Variants in SEPTIN9 observed in about 807,000 individuals in gnomAD.
SEPTIN9 encodes septin 9, also known as septin-9.
A neutral mutation model predicts 56.6 loss-of-function variants in SEPTIN9; 13 were observed. That is an observed-to-expected ratio of 0.23 (90% CI 0.15 to 0.37). The LOEUF is 0.37. SEPTIN9 is among the 10% of genes least tolerant of loss of function. The pLI is 1.00. For synonymous variants in SEPTIN9, 332 were observed against 334.1 expected (o/e 0.99, Z 0.07); for missense variants, 650 against 823.1 (o/e 0.79, Z 2.57).
intron 2 of SEPTIN9, among the ~76,000 whole-genome samples, chr17:77,331,202 AAATAAT>A (rs916003338): frequency 6.6e-5 from 10 of 152,136 alleles, no homozygotes; most frequent in Non-Finnish European, 1.2e-4. Flanking sequence ...AAAAAATAAA[AAATAAT>A]AATAATAATA....
chr17:77,482,513 C>G (rs1367210323), intron 4 of SEPTIN9, 178 bp downstream of exon 4: 1 of 738,674 alleles, frequency 1.4e-6, no homozygotes, highest in Admixed American at 2.0e-5. Context: ...GAGGAGCCCA[C>G]AGCCTCCAGC....
chr17:77,428,961 TG>T, intron 3 of SEPTIN9: 2 of 458,170 alleles, frequency 4.4e-6, no homozygotes, highest in Non-Finnish European at 9.2e-6. Context: ...GTCACAGCCC[TG>T]GTTATACAGT....
intron 3 of SEPTIN9, among the ~76,000 whole-genome samples, chr17:77,407,674 G>A (rs977499150): frequency 2.6e-5 from 4 of 152,176 alleles, no homozygotes; most frequent in African/African-American, 7.2e-5. Flanking sequence ...CTGCTCCTCC[G>A]CCCCAGGGCC....
intron 3 of SEPTIN9, among the ~76,000 whole-genome samples, chr17:77,481,624 T>C (rs1041361361): frequency 6.6e-6 from 1 of 152,198 alleles, no homozygotes; most frequent in African/African-American, 2.4e-5. Flanking sequence ...TACAAGACCA[T>C]CCCTCCTGTG....
In SEPTIN9 at chr17:77,473,902, A is replaced by G. The variant is rs9896107; in HGVS notation, c.722-8242A>G. On this transcript the variant is annotated intron_variant, in intron 3 of 11. Transcript: ENST00000427177. Reference sequence around the variant, plus strand: ...TAGGACCCCAGGATCATCGTCTACCATTATTGTCTATAGTTTCTTTACCAT... The same window carrying G: ...TAGGACCCCAGGATCATCGTCTACCGTTATTGTCTATAGTTTCTTTACCAT... 5.9e-3 allele frequency among the ~76,000 whole-genome samples: 891 copies of G among 152,202 alleles called. 9 individuals are homozygous for G. The highest frequency in any genetic ancestry group is 0.019 in the African/African-American group (781 of 41,518).
At chr17:77,491,558 A>G (rs1423968376) in intron 8 of SEPTIN9, among the ~76,000 whole-genome samples, 1 of 151,010 alleles carries the variant, frequency 6.6e-6, no homozygotes, top group African/African-American at 2.4e-5. Flanking sequence ...CACGCCTGTA[A>G]TCCCAGCACT....
At chr17:77,362,748 CCACACTAA>C (rs2143858670) in intron 2 of SEPTIN9, among the ~76,000 whole-genome samples, 1 of 152,308 alleles carries the variant, frequency 6.6e-6, no homozygotes, top group Admixed American at 6.5e-5. Context: ...CTCCTGGATG[CCACACTAA>C]CTCAGTAAGG....
intron 2 of SEPTIN9, among the ~76,000 whole-genome samples, chr17:77,331,540 G>T (rs905684003): frequency 1.7e-4 from 26 of 152,240 alleles, no homozygotes; most frequent in Non-Finnish European, 3.7e-4. Flanking sequence ...GCGGGTGGCA[G>T]CGAGGAAGGG....
intron 1 of SEPTIN9, 180 bp downstream of exon 1, chr17:77,281,734 C>A: frequency 1.8e-6 from 1 of 561,890 alleles, no homozygotes; most frequent in South Asian, 2.3e-5. Flanking sequence ...TCGACCTGAG[C>A]CGACCGTCCC....
At chr17:77,340,564 T>A (rs1243223031) in intron 2 of SEPTIN9, among the ~76,000 whole-genome samples, 1 of 152,196 alleles carries the variant, frequency 6.6e-6, no homozygotes. Flanking sequence ...GGCCCTAGGA[T>A]TTTTGGAACG....
Position 77,402,718 on chromosome 17 carries a change from G to T in SEPTIN9, c.721+15G>T, listed in dbSNP as rs372075148. 3.9e-6 allele frequency: 6 copies of T among 1,555,976 alleles called. No individual in the cohort carries two copies. Among genetic ancestry groups the T allele is most frequent in the Non-Finnish European group, 4.3e-6 (5 of 1,154,618 alleles). ...GAGCCAGGAGGGTGAGTCGCAGAGCGCTAGGTCTTGGATGCTGTGGTAATG... is the reference window on the plus strand; with the variant it reads ...GAGCCAGGAGGGTGAGTCGCAGAGCTCTAGGTCTTGGATGCTGTGGTAATG... On this transcript the variant is annotated intron_variant, in intron 3 of 11. Transcript: ENST00000427177. The surrounding 1 kb of genome is among the most constrained non-coding windows in gnomAD (Gnocchi z 6.6).
chr17:77,362,138 G>A (rs1483052520), intron 2 of SEPTIN9, among the ~76,000 whole-genome samples: 1 of 152,250 alleles, frequency 6.6e-6, no homozygotes, highest in Non-Finnish European at 1.5e-5. Context: ...GAGGCTCCAT[G>A]TGGATTTGGG....
chr17:77,362,209 C>T (rs1337062426), intron 2 of SEPTIN9, among the ~76,000 whole-genome samples: 1 of 152,234 alleles, frequency 6.6e-6, no homozygotes, highest in Non-Finnish European at 1.5e-5. Context: ...ATTCCCTGCC[C>T]TGCCCTGCCC....
At chr17:77,340,065 G>A (rs1243181105) in intron 2 of SEPTIN9, among the ~76,000 whole-genome samples, 1 of 151,992 alleles carries the variant, frequency 6.6e-6, no homozygotes, top group Non-Finnish European at 1.5e-5. Context: ...CTGAACTCAG[G>A]TGATTTGCCT....
rs970370667 is a variant in SEPTIN9 at position 77,500,000 on chromosome 17, A to C, written c.*1342A>C. ...GGGGACCCATGGGGGCTGTCTTTGC[A>C]GGGCACAGATGACCAAAGTCCCTTC... On this transcript the variant is annotated 3_prime_UTR_variant, in exon 12 of 12. Transcript: ENST00000427177. 1 of 237,252 alleles carries C rather than the reference A, an allele frequency of 4.2e-6. No individual in the cohort carries two copies. Among genetic ancestry groups the C allele is most frequent in the Non-Finnish European group, 8.3e-6 (1 of 120,708 alleles). 14.7% of individuals were successfully genotyped at this position (237,252 alleles called of 1,614,324 possible). A position where few individuals can be genotyped will look rare whatever the true frequency, so the allele number is the denominator to read the frequency against.
intron 3 of SEPTIN9, among the ~76,000 whole-genome samples, chr17:77,404,187 C>T (rs1377453132): frequency 1.3e-5 from 2 of 152,202 alleles, no homozygotes; most frequent in African/African-American, 2.4e-5. Context: ...GTTCCTCCAT[C>T]GGTGGACCCT....
chr17:77,487,574 G>C lies in SEPTIN9; in HGVS notation c.1042+22G>C. On this transcript the variant is annotated intron_variant, in intron 5 of 11. Coordinates refer to ENST00000427177, the MANE Select transcript of SEPTIN9 (RefSeq NM_001113491.2). The surrounding 1 kb of genome is among the most constrained non-coding windows in gnomAD (Gnocchi z 4.3). ...CACGGTCAGTGGCCGGGAGTGGGCT[G>C]GGGGTGCAGGACGCCCCTGCCTTCC... 1 of 1,611,304 alleles carries C rather than the reference G, an allele frequency of 6.2e-7. No individual in the cohort carries two copies. The highest frequency in any genetic ancestry group is 8.5e-7 in the Non-Finnish European group (1 of 1,179,376).
chr17:77,300,109 T>C (rs1423671605), intron 1 of SEPTIN9, among the ~76,000 whole-genome samples: 1 of 152,182 alleles, frequency 6.6e-6, no homozygotes, highest in Non-Finnish European at 1.5e-5. Flanking sequence ...GTTCTTTTTT[T>C]GTTTTGAGAC....
chr17:77,401,765 G>A (rs897453137), intron 2 of SEPTIN9, among the ~76,000 whole-genome samples: 3 of 151,986 alleles, frequency 2.0e-5, no homozygotes, highest in Admixed American at 6.6e-5. Flanking sequence ...GAACTAGAAC[G>A]TTCCTATGTA....
Sources: allele counts gnomAD v4.1 joint callset (sites outside exome capture counted in the v4.1 genomes callset), GRCh38; gene constraint gnomAD v4.1.1; non-coding constraint Gnocchi (gnomAD v3.1); transcripts MANE v1.5; gene names NCBI Gene and HGNC (gene_info 2026-07-23, HGNC 2026-07-21).